The following DCPH1 variants were observed in gnomAD, a reference collection of about 807,000 sequenced individuals.
DCPH1 encodes the protein damage control phosphatase 1, also known as damage-control phosphatase 1.
At chr6:151,452,626 C>T in the DCPH1 span, 11 of 1,587,060 alleles carry the variant, frequency 6.9e-6, no homozygotes, top group African/African-American at 1.4e-5. Context: ...TGCGGAAAGC[C>T]GGGCCTCGCC....
At chr6:151,454,923 A>G in the DCPH1 span, among the ~76,000 whole-genome samples, 1 of 152,214 alleles carries the variant, frequency 6.6e-6, no homozygotes, top group Non-Finnish European at 1.5e-5. Context: ...TGACTGGGCA[A>G]CAGACTTGCA....
the DCPH1 span, among the ~76,000 whole-genome samples, chr6:151,453,175 ACAAAGTGGCGCCAATGGCCC>A: frequency 8.5e-5 from 13 of 152,238 alleles, no homozygotes; most frequent in African/African-American, 3.1e-4. Context: ...GTTGAGGCCA[ACAAAGTGGCGCCAATGGCCC>A]CAAATTGAGG....
At chr6:151,453,862 A>G in the DCPH1 span, among the ~76,000 whole-genome samples, 16 of 152,322 alleles carry the variant, frequency 1.1e-4, no homozygotes, top group African/African-American at 2.9e-4. Flanking sequence ...TAATGCAGGT[A>G]TAAGTTTTTC....
chr6:151,464,723 A>AT, the DCPH1 span: 19 of 706,950 alleles, frequency 2.7e-5, no homozygotes, highest in African/African-American at 1.1e-4. Flanking sequence ...ATAATTGATG[A>AT]TTTTTTATCT....
chr6:151,461,096 G>A, the DCPH1 span, among the ~76,000 whole-genome samples: 2 of 152,212 alleles, frequency 1.3e-5, no homozygotes, highest in Non-Finnish European at 2.9e-5. Context: ...AGATTTAGAT[G>A]CCTGTCAAGG....
chr6:151,462,980 G>A, the DCPH1 span, among the ~76,000 whole-genome samples: 49 of 152,288 alleles, frequency 3.2e-4, no homozygotes, highest in Non-Finnish European at 5.4e-4. Context: ...TGCCATTGTC[G>A]TGTGAATGCA....
the DCPH1 span, chr6:151,458,606 G>A: frequency 6.6e-7 from 1 of 1,517,510 alleles, no homozygotes; most frequent in Non-Finnish European, 8.9e-7. Context: ...CAAATGTTTA[G>A]ATAATTTATA....
At chr6:151,458,286 A>G in the DCPH1 span, 1 of 1,280,038 alleles carries the variant, frequency 7.8e-7, no homozygotes, top group Non-Finnish European at 1.0e-6. Flanking sequence ...AATTGCACAG[A>G]CACACACACA....
At chr6:151,466,066 A>T in the DCPH1 span, among the ~76,000 whole-genome samples, 1 of 152,104 alleles carries the variant, frequency 6.6e-6, no homozygotes, top group Non-Finnish European at 1.5e-5. Flanking sequence ...TTACAGGCGT[A>T]TGCCACCACA....
chr6:151,452,520 C>T, the DCPH1 span: 21 of 1,611,146 alleles, frequency 1.3e-5, no homozygotes, highest in Admixed American at 1.8e-4. Flanking sequence ...AACAGCCGAG[C>T]TTTGCGGCCG....
chr6:151,462,059 C>T, the DCPH1 span, among the ~76,000 whole-genome samples: 1 of 152,112 alleles, frequency 6.6e-6, no homozygotes, highest in African/African-American at 2.4e-5. Context: ...ATTGATTTAC[C>T]ATTTTACACT....
At chr6:151,458,691 A>G in the DCPH1 span, 1 of 735,532 alleles carries the variant, frequency 1.4e-6, no homozygotes. Context: ...GAGTTTAGCA[A>G]ATCTTAATAG....
At chr6:151,470,096 T>C in the DCPH1 span, 1 of 152,196 alleles carries the variant, frequency 6.6e-6, no homozygotes, top group African/African-American at 2.4e-5. Context: ...TGAATTGTAC[T>C]GAAAATCTCC....
At chr6:151,455,927 A>C in the DCPH1 span, among the ~76,000 whole-genome samples, 1 of 152,330 alleles carries the variant, frequency 6.6e-6, no homozygotes, top group Non-Finnish European at 1.5e-5. Context: ...GAGATTAGGG[A>C]GTGGTGATGA....
chr6:151,467,424 C>T, the DCPH1 span, among the ~76,000 whole-genome samples: 2 of 151,728 alleles, frequency 1.3e-5, no homozygotes, highest in Non-Finnish European at 2.9e-5. Context: ...CATAGTGAGA[C>T]CCCATCTTTA....
the DCPH1 span, among the ~76,000 whole-genome samples, chr6:151,456,836 C>T: frequency 2.6e-5 from 4 of 152,230 alleles, no homozygotes; most frequent in South Asian, 8.3e-4. Flanking sequence ...TTTGTAATTT[C>T]AGTTTTTTCG....
the DCPH1 span, among the ~76,000 whole-genome samples, chr6:151,462,024 C>G: frequency 6.6e-6 from 1 of 152,098 alleles, no homozygotes; most frequent in Non-Finnish European, 1.5e-5. Context: ...CCAGACTGAC[C>G]AGCTTTTATA....
the DCPH1 span, chr6:151,458,328 G>A: frequency 6.2e-7 from 1 of 1,607,506 alleles, no homozygotes. Context: ...ATTTTTGCAG[G>A]AAGGCGTGGA....
At chr6:151,469,158 T>C in the DCPH1 span, 1 of 1,486,378 alleles carries the variant, frequency 6.7e-7, no homozygotes, top group African/African-American at 1.4e-5. Flanking sequence ...GTGAGCACCT[T>C]TTCATCCCCA....
Sources: gnomAD v4.1 joint callset for allele counts (sites outside exome capture counted in the v4.1 genomes callset) on GRCh38, gnomAD v4.1.1 for gene constraint, MANE v1.5 for transcripts, NCBI Gene and HGNC (gene_info 2026-07-23, HGNC 2026-07-21) for gene names.